IGF1R: variants seen among roughly 807,000 people sequenced by gnomAD.
IGF1R encodes the protein insulin-like growth factor 1 receptor.
A neutral mutation model predicts 144.6 loss-of-function variants in IGF1R; 44 were observed. The observed-to-expected ratio is 0.30, with a 90% CI of 0.24 to 0.39. The LOEUF is 0.39. IGF1R is among the 10% of genes least tolerant of loss of function. The pLI is 1.00. For missense variants in IGF1R, 1,355 were observed against 1,833.7 expected, an observed-to-expected ratio of 0.74 and a Z score of 4.77; for synonymous variants, 795 against 722.8, an observed-to-expected ratio of 1.10 and a Z score of -1.60.
chr15:98,753,536 A>G lies in IGF1R; in HGVS notation c.640+45429A>G, dbSNP rs111734750. 9.1e-3 allele frequency among the ~76,000 whole-genome samples: 1,377 copies of G among 151,888 alleles called. 19 individuals carry two copies. Among genetic ancestry groups the G allele is most frequent in the Non-Finnish European group, 0.011 (757 of 67,938 alleles). On this transcript the variant is annotated intron_variant, in intron 2 of 20. Transcript: ENST00000650285. ...ATGTGAGCCACTATGCCTGGCCAAT[A>G]ATTATATAAATTTTGATATAAATTC...
chr15:98,925,048 C>T (rs2015657379), intron 13 of IGF1R, among the ~76,000 whole-genome samples: 1 of 151,884 alleles, frequency 6.6e-6, no homozygotes, highest in Non-Finnish European at 1.5e-5. Context: ...ATTGACCATT[C>T]CACCTCCTAC....
chr15:98,788,445 T>C (rs902302321), intron 2 of IGF1R, among the ~76,000 whole-genome samples: 1 of 152,232 alleles, frequency 6.6e-6, no homozygotes, highest in African/African-American at 2.4e-5. Flanking sequence ...GCTTCCTTCC[T>C]GTTCTCTGAG....
chr15:98,707,113 C>T lies in IGF1R; in HGVS notation c.95-449C>T, dbSNP rs988302327. ...TAGAGTAGATTGATTGCCCTGTGTC[C>T]TTCAGGCAGGGTGCAGTAGTAAGTT... is the stretch of plus-strand genomic sequence containing the variant. On this transcript the variant is annotated intron_variant, in intron 1 of 20. Transcript: ENST00000650285. The surrounding 1 kb of genome is among the most constrained non-coding windows in gnomAD (Gnocchi z 6.7). Among the ~76,000 whole-genome samples, 4 of 152,142 alleles carry T rather than the reference C, an allele frequency of 2.6e-5. No homozygotes were observed. Among genetic ancestry groups the T allele is most frequent in the African/African-American group, 7.2e-5 (3 of 41,410 alleles).
rs539030452 is a variant in IGF1R, at chr15:98,704,425, T to C, written c.95-3137T>C. On this transcript the variant is annotated intron_variant, in intron 1 of 20. Coordinates refer to ENST00000650285, the MANE Select transcript of IGF1R (RefSeq NM_000875.5). This position sits in a 1 kb window ranked among gnomAD's most constrained non-coding sequence, Gnocchi z 4.9. The stretch of plus-strand genomic sequence containing the variant: ...AGGGTATCACAGAGGAGGAGCTCGG[T>C]GTGTTGGAGGTTGGTGAGTCCCGTG... Among the ~76,000 whole-genome samples the C allele has an allele frequency of 3.4e-4, 52 of 151,874 alleles. No homozygotes were observed. The highest frequency in any genetic ancestry group is 1.2e-3 in the African/African-American group (50 of 41,436).
rs1195606329 is a variant in IGF1R, at chr15:98,660,519, T to A, written c.94+10844T>A. The A allele has an allele frequency of 2.0e-5, 3 of 152,342 alleles. No individual in the cohort carries two copies. In the East Asian group the frequency reaches 5.8e-4, roughly 29 times the overall value. The allele number at this position is 152,342 out of a possible 1,614,324, so 9.4% of individuals were successfully genotyped here. A position where few individuals can be genotyped will look rare whatever the true frequency, so the allele number is the denominator to read the frequency against. ...GGAGGAGCTGAAGAAACGGAAGACT[T>A]CTTAAAGGGATACTCGCCATTCACT... On this transcript the variant is annotated intron_variant, in intron 1 of 20. Coordinates refer to ENST00000650285, the MANE Select transcript of IGF1R (RefSeq NM_000875.5).
At chr15:98,695,747 C>T (rs1315822154) in intron 1 of IGF1R, among the ~76,000 whole-genome samples, 1 of 152,194 alleles carries the variant, frequency 6.6e-6, no homozygotes, top group African/African-American at 2.4e-5. Context: ...TATGGAACCA[C>T]AGTCCCTCAC....
intron 7 of IGF1R, among the ~76,000 whole-genome samples, chr15:98,912,724 G>T (rs2015077101): frequency 6.6e-6 from 1 of 152,050 alleles, no homozygotes; most frequent in South Asian, 2.1e-4. Flanking sequence ...GACTATGCTT[G>T]TTTTTTTCTT....
At chr15:98,655,524 C>T (rs911385127) in intron 1 of IGF1R, among the ~76,000 whole-genome samples, 3 of 151,858 alleles carry the variant, frequency 2.0e-5, no homozygotes, top group Non-Finnish European at 2.9e-5. Context: ...ACAGTAAATA[C>T]ATGTTGAGTA....
rs1196513810 is a variant in IGF1R, at chr15:98,766,634, T to C, written c.640+58527T>C. On this transcript the variant is annotated intron_variant, in intron 2 of 20. Coordinates refer to ENST00000650285, the MANE Select transcript of IGF1R (RefSeq NM_000875.5). ...CTGGGGGTCCATACATACCCCTCTTTATATCCCTGTGGTCCCTTTTTAGTC... is the reference window on the plus strand; with the variant it reads ...CTGGGGGTCCATACATACCCCTCTTCATATCCCTGTGGTCCCTTTTTAGTC... 2.0e-5 allele frequency among the ~76,000 whole-genome samples: 3 copies of C among 152,336 alleles called. No homozygotes were observed. In the East Asian group the frequency reaches 5.8e-4, roughly 29 times the overall value.
At position 98,930,840 on chromosome 15, in the gene IGF1R, C is replaced by G. The variant is rs182638804; in HGVS notation, c.2956+535C>G. Reference sequence around the variant, plus strand: ...TTGGTAATAACTAATGAGGGCCATTCAGTTAAGTGGCTGGGAAGGTCTGAC... The same window carrying G: ...TTGGTAATAACTAATGAGGGCCATTGAGTTAAGTGGCTGGGAAGGTCTGAC... On this transcript the variant is annotated intron_variant, in intron 15 of 20. Coordinates refer to ENST00000650285, the MANE Select transcript of IGF1R (RefSeq NM_000875.5). 7.9e-5 allele frequency among the ~76,000 whole-genome samples: 12 copies of G among 152,190 alleles called. No individual in the cohort carries two copies. The East Asian group carries it at 2.1e-3, about 27-fold the overall frequency.
intron 1 of IGF1R, among the ~76,000 whole-genome samples, chr15:98,692,360 T>C (rs1396920033): frequency 6.6e-6 from 1 of 151,808 alleles, no homozygotes; most frequent in Admixed American, 6.6e-5. Flanking sequence ...GAAGATTGAT[T>C]GAGATAGGGT....
intron 17 of IGF1R, among the ~76,000 whole-genome samples, chr15:98,936,018 G>C (rs887384052): frequency 3.3e-5 from 5 of 152,088 alleles, no homozygotes; most frequent in African/African-American, 4.8e-5. Context: ...CTGGGAAGTT[G>C]CTGGGTGATT....
chr15:98,653,802 G>A (rs756044108), intron 1 of IGF1R, among the ~76,000 whole-genome samples: 7 of 152,210 alleles, frequency 4.6e-5, no homozygotes, highest in African/African-American at 7.2e-5. Context: ...CAAGATCAGG[G>A]CAGTAATGAA....
chr15:98,788,613 G>C (rs1189672417), intron 2 of IGF1R, among the ~76,000 whole-genome samples: 1 of 152,280 alleles, frequency 6.6e-6, no homozygotes, highest in Non-Finnish European at 1.5e-5. Flanking sequence ...CACAGTTTGC[G>C]CAAGTTTGCA....
chr15:98,828,703 T>A (rs2056944269), intron 2 of IGF1R, among the ~76,000 whole-genome samples: 1 of 151,966 alleles, frequency 6.6e-6, no homozygotes, highest in African/African-American at 2.4e-5. Flanking sequence ...GAGGCGGACT[T>A]ACTATTTAAA....
chr15:98,916,229 G>T, intron 9 of IGF1R, 98 bp downstream of exon 9: 12 of 1,022,020 alleles, frequency 1.2e-5, no homozygotes, highest in Admixed American at 2.0e-5. Flanking sequence ...AGACAACAGT[G>T]TAGTTCTCCA....
chr15:98,802,012 C>A (rs1166514889), intron 2 of IGF1R, among the ~76,000 whole-genome samples: 1 of 152,200 alleles, frequency 6.6e-6, no homozygotes, highest in Non-Finnish European at 1.5e-5. Context: ...TTCCTCATGG[C>A]CCTGGCTGTT....
Position 98,913,039 on chromosome 15 carries a change from T to C in IGF1R, c.1590-5T>C. 1 of 1,607,822 alleles carries C rather than the reference T, an allele frequency of 6.2e-7. No individual in the cohort carries two copies. The highest frequency in any genetic ancestry group is 8.5e-7 in the Non-Finnish European group (1 of 1,174,256). Reference sequence around the variant, plus strand: ...GAACTTTCTCTGAACTTAATTGTCTTTCAGACCCTTTAAGAATGTCACAGA... The same window carrying C: ...GAACTTTCTCTGAACTTAATTGTCTCTCAGACCCTTTAAGAATGTCACAGA... On this transcript the variant is annotated splice_region_variant and splice_polypyrimidine_tract_variant and intron_variant, in intron 7 of 20. Transcript: ENST00000650285.
chr15:98,811,207 A>G (rs112173384), intron 2 of IGF1R, among the ~76,000 whole-genome samples: 3,381 of 152,172 alleles, frequency 0.022, 134 homozygotes, highest in African/African-American at 0.077. Flanking sequence ...AGGCTGAGGC[A>G]GGAGAATCAC....
Sources: allele counts gnomAD v4.1 joint callset (sites outside exome capture counted in the v4.1 genomes callset), GRCh38; gene constraint gnomAD v4.1.1; non-coding constraint Gnocchi (gnomAD v3.1); transcripts MANE v1.5; gene names NCBI Gene and HGNC (gene_info 2026-07-23, HGNC 2026-07-21).